The following SAMM50 variants were observed in gnomAD, a reference collection of about 807,000 sequenced individuals.
SAMM50 encodes the protein SAMM50 sorting and assembly machinery component, also known as sorting and assembly machinery component 50 homolog.
SAMM50 carries 47 observed loss-of-function variants against 66.9 expected under a neutral mutation model. The ratio of observed to expected loss-of-function variants is 0.70; its 90% CI spans 0.56 to 0.90. The LOEUF (loss-of-function observed/expected upper bound fraction) is 0.90, where lower values mean the gene tolerates loss of function less well. Among genes scored for constraint, SAMM50 ranks in the 40% least tolerant of loss-of-function variants. The pLI is 0.00. For missense variants in SAMM50, 535 were observed against 595.3 expected (o/e 0.90, Z 1.05); for synonymous variants, 191 against 214.1 (o/e 0.89, Z 0.94).
intron 12 of SAMM50, chr22:43,988,616 G>T (rs2050306214): frequency 6.5e-6 from 1 of 152,716 alleles, no homozygotes; most frequent in South Asian, 2.1e-4. Context: ...CTGGAACCTG[G>T]TCTCGCTGTG....
Position 43,988,966 on chromosome 22 carries a change from A to T in SAMM50, c.1076-145A>T, listed in dbSNP as rs957669537. The T allele has an allele frequency of 9.1e-6, 6 of 656,364 alleles. No homozygotes were observed. In the African/African-American group the frequency reaches 1.1e-4, roughly 12 times the overall value. The allele number at this position is 656,364 out of a possible 1,614,324, so 40.7% of individuals were successfully genotyped here. On this transcript the variant is annotated intron_variant, in intron 12 of 14. Coordinates refer to ENST00000350028, the MANE Select transcript of SAMM50 (RefSeq NM_015380.5). ...TTAAAATGAGGCCATCAGTATCAGG[A>T]ATGAGAAGAACAGCTGCTTGCAAAC...
At chr22:43,982,459 C>T (rs1371518230) in intron 11 of SAMM50, among the ~76,000 whole-genome samples, 1 of 152,106 alleles carries the variant, frequency 6.6e-6, no homozygotes, top group Non-Finnish European at 1.5e-5. Context: ...TTAGTGGATC[C>T]CTTTCCAGCG....
intron 1 of SAMM50, among the ~76,000 whole-genome samples, chr22:43,960,349 A>G (rs1380512233): frequency 6.6e-6 from 1 of 152,188 alleles, no homozygotes; most frequent in African/African-American, 2.4e-5. Context: ...TTCAGTACTT[A>G]TTTGTTAAAT....
intron 1 of SAMM50, among the ~76,000 whole-genome samples, chr22:43,962,730 T>G (rs1048188539): frequency 2.6e-5 from 4 of 152,132 alleles, no homozygotes; most frequent in Non-Finnish European, 5.9e-5. Flanking sequence ...GCAAATTATT[T>G]TCCTTTTTTC....
chr22:43,987,751 T>A (rs2050301721), intron 12 of SAMM50: 1 of 152,172 alleles, frequency 6.6e-6, no homozygotes, highest in Non-Finnish European at 1.5e-5. Flanking sequence ...GAAACCAGTA[T>A]GACAATAGAA....
Position 43,990,271 on chromosome 22 carries a change from G to T in SAMM50, c.1229G>T (p.Gly410Val), listed in dbSNP as rs1368399386. Residue 410 changes from glycine (G) to valine (V), a missense_variant, in exon 14 of 15, where the codon GGC (glycine) becomes GTC (valine). Physicochemically the swap from Gly to Val is moderately radical, Grantham distance 109 (BLOSUM62 -3). Transcript: ENST00000350028. ...CAGGTCTTTCTCTTTTCAGGGGAGG[G>T]CCCCAAAGCTCATATTCGTAAGCTG... The part of the protein sequence containing the change: ...GNLCNLNYGE[G>V]PKAHIRKLAE... 6.2e-7 allele frequency: 1 copy of T among 1,614,160 alleles called. No homozygotes were observed. The highest frequency in any genetic ancestry group is 2.2e-5 in the East Asian group (1 of 44,878).
intron 7 of SAMM50, 44 bp from the exon 8 acceptor site, chr22:43,976,011 T>G (rs775247771): frequency 1.3e-6 from 2 of 1,564,986 alleles, no homozygotes; most frequent in Admixed American, 3.6e-5. Context: ...AACAAGTTCC[T>G]AAGTATGTGT....
At chr22:43,964,329 A>C in intron 2 of SAMM50, 123 bp from the exon 3 acceptor site, 1 of 587,078 alleles carries the variant, frequency 1.7e-6, no homozygotes, top group Non-Finnish European at 3.1e-6. Flanking sequence ...AGAGGTAAGA[A>C]GTGTGGATTA....
At chr22:43,992,900 G>A (rs1014919044) in intron 14 of SAMM50, among the ~76,000 whole-genome samples, 4 of 152,210 alleles carry the variant, frequency 2.6e-5, no homozygotes, top group Non-Finnish European at 5.9e-5. Context: ...TAGATGGGAT[G>A]ATGCATCCTG....
chr22:43,957,910 C>A (rs2050128249), intron 1 of SAMM50, among the ~76,000 whole-genome samples: 1 of 152,172 alleles, frequency 6.6e-6, no homozygotes, highest in African/African-American at 2.4e-5. Context: ...AGGCGCCTGC[C>A]ACCATGTTCG....
intron 2 of SAMM50, 78 bp from the exon 3 acceptor site, chr22:43,964,374 C>A: frequency 2.9e-6 from 2 of 688,668 alleles, no homozygotes; most frequent in Admixed American, 2.3e-5. Context: ...TTAATTAAAC[C>A]TTGACATTGT....
At position 43,990,356 on chromosome 22, in the gene SAMM50, T is replaced by C; in HGVS notation, c.1314T>C (p.Ala438=). Residue 438 remains alanine (A), a synonymous_variant, in exon 14 of 15, where the codon GCT becomes GCC. Coordinates refer to ENST00000350028, the MANE Select transcript of SAMM50 (RefSeq NM_015380.5). ...TTGTCCTCAGGCTTGGCAACATCGCTCGGTTGGAACTTAATTACTGCGTCC... is the reference window on the plus strand; with the variant it reads ...TTGTCCTCAGGCTTGGCAACATCGCCCGGTTGGAACTTAATTACTGCGTCC... ...AGIVLRLGNI[A]RLELNYCVPM... is the part of the protein sequence containing the mutation. The C allele has an allele frequency of 3.1e-6, 5 of 1,614,156 alleles. No homozygotes were observed. Among genetic ancestry groups the C allele is most frequent in the Non-Finnish European group, 4.2e-6 (5 of 1,180,012 alleles).
chr22:43,964,648 C>A, intron 3 of SAMM50, 95 bp downstream of exon 3: 1 of 674,372 alleles, frequency 1.5e-6, no homozygotes, highest in Non-Finnish European at 2.6e-6. Flanking sequence ...TGCGCCCGGC[C>A]TCTGTGCCGG....
chr22:43,959,463 A>G (rs919567674), intron 1 of SAMM50, among the ~76,000 whole-genome samples: 3 of 151,296 alleles, frequency 2.0e-5, no homozygotes, highest in Non-Finnish European at 4.4e-5. Context: ...GATCTGCTTA[A>G]AGGTTAAAGG....
chr22:43,973,873 A>G (rs2050217364), intron 7 of SAMM50, among the ~76,000 whole-genome samples: 1 of 152,078 alleles, frequency 6.6e-6, no homozygotes, highest in South Asian at 2.1e-4. Context: ...TCAGCCTCCC[A>G]AAGTGCTGGG....
At chr22:43,960,521 G>C (rs2050142443) in intron 1 of SAMM50, among the ~76,000 whole-genome samples, 2 of 152,144 alleles carry the variant, frequency 1.3e-5, no homozygotes, top group Non-Finnish European at 2.9e-5. Flanking sequence ...CTGAGGTCAG[G>C]AGTTCAAGAC....
intron 1 of SAMM50, 165 bp from the exon 2 acceptor site, chr22:43,963,121 C>T (rs569469670): frequency 6.4e-6 from 3 of 469,194 alleles, no homozygotes; most frequent in Admixed American, 3.9e-5. Context: ...TTAGCAATAG[C>T]TGACGGCACC....
intron 3 of SAMM50, among the ~76,000 whole-genome samples, 196 bp downstream of exon 3, chr22:43,964,749 G>A (rs747882780): frequency 1.3e-5 from 2 of 152,124 alleles, no homozygotes; most frequent in African/African-American, 2.4e-5. Flanking sequence ...CCATGTATTC[G>A]CATTTGCCTT....
intron 3 of SAMM50, among the ~76,000 whole-genome samples, chr22:43,968,033 C>A (rs1251307476): frequency 6.6e-6 from 1 of 151,652 alleles, no homozygotes; most frequent in East Asian, 1.9e-4. Flanking sequence ...ACCAGCCTGG[C>A]CAACATGGTG....
Sources: gnomAD v4.1 joint callset for allele counts (sites outside exome capture counted in the v4.1 genomes callset) on GRCh38, gnomAD v4.1.1 for gene constraint, MANE v1.5 for transcripts, NCBI Gene and HGNC (gene_info 2026-07-23, HGNC 2026-07-21) for gene names.